CDH4: variants seen among roughly 807,000 people sequenced by gnomAD.
CDH4 encodes the protein cadherin 4.
A neutral mutation model predicts 86.0 loss-of-function variants in CDH4; 33 were observed. The ratio of observed to expected loss-of-function variants is 0.38; its 90% CI spans 0.29 to 0.51. The LOEUF is 0.51. Ranked by LOEUF, CDH4 falls within the 20% of genes least tolerant of loss-of-function variation. The pLI, the probability that CDH4 is intolerant of heterozygous loss-of-function variation, is 0.86. For missense variants in CDH4, 1,114 were observed against 1,307.4 expected (o/e 0.85, Z 2.28); for synonymous variants, 555 against 549.4 (o/e 1.01, Z -0.14).
intron 2 of CDH4, among the ~76,000 whole-genome samples, chr20:61,564,290 G>C (rs546896881): frequency 4.6e-5 from 7 of 152,198 alleles, no homozygotes; most frequent in Admixed American, 4.6e-4. Flanking sequence ...ATTAAGCACA[G>C]TGTGTGTGGC....
chr20:61,496,434 CTG>C (rs1428834349), intron 2 of CDH4, among the ~76,000 whole-genome samples: 5 of 152,054 alleles, frequency 3.3e-5, no homozygotes, highest in Non-Finnish European at 7.4e-5. Flanking sequence ...TCACATGTTC[CTG>C]TGTTTCCTTC....
At chr20:61,870,969 A>T (rs1231278043) in intron 6 of CDH4, among the ~76,000 whole-genome samples, 1 of 152,142 alleles carries the variant, frequency 6.6e-6, no homozygotes, top group Non-Finnish European at 1.5e-5. Flanking sequence ...TGTTTATACA[A>T]GTCATATTCC....
chr20:61,868,608 C>T (rs191981207), intron 6 of CDH4, among the ~76,000 whole-genome samples: 176 of 152,322 alleles, frequency 1.2e-3, no homozygotes, highest in African/African-American at 3.8e-3. Context: ...GGCAGATGTC[C>T]CCTCCACGCT....
chr20:61,543,623 A>G (rs894718913), intron 2 of CDH4, among the ~76,000 whole-genome samples: 1 of 152,218 alleles, frequency 6.6e-6, no homozygotes, highest in South Asian at 2.1e-4. Context: ...TGGCGCCTTT[A>G]TGATCTGTCC....
intron 11 of CDH4, among the ~76,000 whole-genome samples, chr20:61,927,478 A>G (rs2055056991): frequency 6.6e-6 from 1 of 152,188 alleles, no homozygotes; most frequent in African/African-American, 2.4e-5. Flanking sequence ...AGCTTCCATC[A>G]AAGCTCATCT....
At chr20:61,356,207 G>T (rs1031786822) in intron 2 of CDH4, among the ~76,000 whole-genome samples, 1 of 152,156 alleles carries the variant, frequency 6.6e-6, no homozygotes, top group Non-Finnish European at 1.5e-5. Flanking sequence ...TTGAATGGAC[G>T]AGGGATTATC....
rs1955939338 is a variant in CDH4 at position 61,252,582 on chromosome 20, C to T, written c.57+12C>T. ...CCGGCGCGCTCCGGGTAAGTTGCCG[C>T]CTCCCGCCCCCGCCGTTCGGAAGCC... On this transcript the variant is annotated intron_variant, in intron 1 of 15. Coordinates refer to ENST00000614565, the MANE Select transcript of CDH4 (RefSeq NM_001794.5). This position sits in a 1 kb window ranked among gnomAD's most constrained non-coding sequence, Gnocchi z 4.4. The T allele has an allele frequency of 1.7e-6, 2 of 1,201,986 alleles. No individual in the cohort carries two copies. Among genetic ancestry groups the T allele is most frequent in the Admixed American group, 4.4e-5 (1 of 22,676 alleles). 74.5% of individuals were successfully genotyped at this position (1,201,986 alleles called of 1,614,324 possible).
chr20:61,768,148 G>C (rs2088722422), intron 3 of CDH4, among the ~76,000 whole-genome samples: 1 of 152,182 alleles, frequency 6.6e-6, no homozygotes, highest in African/African-American at 2.4e-5. Context: ...AAGATATCTT[G>C]CTGCTGGGCT....
chr20:61,758,329 A>G (rs548847222), intron 3 of CDH4, among the ~76,000 whole-genome samples: 62 of 152,300 alleles, frequency 4.1e-4, no homozygotes, highest in Admixed American at 2.1e-3. Context: ...CCCCAGTCAC[A>G]ACGTAATTAC....
chr20:61,658,895 C>T (rs1358582278), intron 2 of CDH4, among the ~76,000 whole-genome samples: 3 of 152,128 alleles, frequency 2.0e-5, no homozygotes, highest in Admixed American at 1.3e-4. Context: ...GAGTGACATG[C>T]GGAGAAGGTG....
intron 2 of CDH4, among the ~76,000 whole-genome samples, chr20:61,466,947 A>G (rs1411534952): frequency 7.2e-5 from 11 of 152,168 alleles, no homozygotes; most frequent in Admixed American, 7.2e-4. Flanking sequence ...AGTTGCTAAA[A>G]GCATTGGTTC....
intron 2 of CDH4, among the ~76,000 whole-genome samples, chr20:61,449,336 A>G (rs889537814): frequency 2.0e-5 from 3 of 152,148 alleles, no homozygotes; most frequent in Non-Finnish European, 4.4e-5. Context: ...AAAACCATTC[A>G]TTTACATATT....
At chr20:61,680,942 AGGCTAGCTCTCTG>A (rs535354282) in intron 2 of CDH4, among the ~76,000 whole-genome samples, 80 of 152,304 alleles carry the variant, frequency 5.3e-4, no homozygotes, top group Middle Eastern at 6.8e-3. Flanking sequence ...GGTGGCTCAG[AGGCTAGCTCTCTG>A]GGCAGTGAGG....
Position 61,933,017 on chromosome 20 carries a change from C to T in CDH4, c.2272C>T (p.Arg758Trp), listed in dbSNP as rs755778619. 15 of 1,613,136 alleles carry T rather than the reference C, an allele frequency of 9.3e-6. No homozygotes were observed. Among genetic ancestry groups the T allele is most frequent in the East Asian group, 6.7e-5 (3 of 44,898 alleles). The change falls in exon 14 of 16, where the codon CGG (arginine) becomes TGG (tryptophan). Residue 758 changes from arginine to tryptophan, a missense_variant. Arg to Trp is a moderately radical substitution (Grantham distance 101). Transcript: ENST00000614565. ...CCTGCTGTTTGTCATGTGGATGAAGCGGCGAGAGAAGGAGCGCCACACGAA... is the reference window on the plus strand; with the variant it reads ...CCTGCTGTTTGTCATGTGGATGAAGTGGCGAGAGAAGGAGCGCCACACGAA... ...MVLLFVMWMKRREKERHTKQL... is the reference protein window; with the variant it reads ...MVLLFVMWMKWREKERHTKQL...
chr20:61,555,851 C>T (rs930717628), intron 2 of CDH4, among the ~76,000 whole-genome samples: 2 of 152,176 alleles, frequency 1.3e-5, no homozygotes, highest in South Asian at 2.1e-4. Context: ...GATACAATCC[C>T]GTTTCTGGCA....
chr20:61,301,678 A>G (rs2084387006), intron 2 of CDH4, among the ~76,000 whole-genome samples: 1 of 152,264 alleles, frequency 6.6e-6, no homozygotes, highest in South Asian at 2.1e-4. Context: ...TATTATTAAA[A>G]TTACTATTAA....
In CDH4 at chr20:61,368,112, G is replaced by A. The variant is rs543530097; in HGVS notation, c.169+113175G>A. ...TCTCAAAGTCCTGACCTCATGATCC[G>A]CCCGCCTCGGCCTCCCAAAGTGCTG... On this transcript the variant is annotated intron_variant, in intron 2 of 15. Coordinates refer to ENST00000614565, the MANE Select transcript of CDH4 (RefSeq NM_001794.5). Among the ~76,000 whole-genome samples, 142 of 152,116 alleles carry A rather than the reference G, an allele frequency of 9.3e-4. 1 individual carries two copies. The highest frequency in any genetic ancestry group is 3.4e-3 in the Middle Eastern group (1 of 292).
intron 2 of CDH4, among the ~76,000 whole-genome samples, chr20:61,286,647 C>G (rs1407346197): frequency 2.0e-5 from 3 of 152,224 alleles, no homozygotes; most frequent in Non-Finnish European, 2.9e-5. Flanking sequence ...GAGTATTGCT[C>G]TGGTTCACAA....
chr20:61,844,601 CAG>C, intron 4 of CDH4, 65 bp from the exon 5 acceptor site: 2 of 1,478,238 alleles, frequency 1.4e-6, no homozygotes, highest in Non-Finnish European at 1.8e-6. Flanking sequence ...GGATGAATGT[CAG>C]AGATCGGCCC....
Sources: gnomAD v4.1 joint callset for allele counts (sites outside exome capture counted in the v4.1 genomes callset) on GRCh38, gnomAD v4.1.1 for gene constraint, Gnocchi (gnomAD v3.1) non-coding constraint, MANE v1.5 for transcripts, NCBI Gene and HGNC (gene_info 2026-07-23, HGNC 2026-07-21) for gene names.